The following CNTNAP4 variants were observed in gnomAD, a reference collection of about 807,000 sequenced individuals.
CNTNAP4 encodes the protein contactin associated protein family member 4, also known as contactin-associated protein-like 4.
A neutral mutation model predicts 148.4 loss-of-function variants in CNTNAP4; 98 were observed. The ratio of observed to expected loss-of-function variants is 0.66; its 90% confidence interval spans 0.56 to 0.78. CNTNAP4 has a LOEUF of 0.78. CNTNAP4 is among the 30% of genes least tolerant of loss of function. The pLI is 0.00. For missense variants in CNTNAP4, 1,935 were observed against 1,565.6 expected (o/e 1.24, Z -3.98); for synonymous variants, 730 against 565.1 (o/e 1.29, Z -4.14).
At chr16:76,426,686 TGTA>T (rs2079417515) in intron 3 of CNTNAP4, among the ~76,000 whole-genome samples, 5 of 151,326 alleles carry the variant, frequency 3.3e-5, no homozygotes, top group African/African-American at 4.9e-5. Flanking sequence ...GGCCCTACCA[TGTA>T]ATGGTTGCAA....
intron 23 of CNTNAP4, chr16:76,558,137 A>C (rs1250503027): frequency 5.9e-6 from 1 of 168,092 alleles, no homozygotes; most frequent in African/African-American, 2.4e-5. Flanking sequence ...TGTTGCTACT[A>C]CTCCATAATT....
intron 3 of CNTNAP4, among the ~76,000 whole-genome samples, chr16:76,396,908 T>A (rs565764312): frequency 6.6e-6 from 1 of 152,094 alleles, no homozygotes; most frequent in East Asian, 1.9e-4. Context: ...AATAATTAGG[T>A]AAATAAGTAA....
At position 76,467,346 on chromosome 16, in the gene CNTNAP4, TATCAGGTTGTCCTGAC is replaced by T; in HGVS notation, c.1484-4_1495del. Reference sequence around the variant, plus strand: ...ATGCGTACTGGATTTATTTCGTTTTTATCAGGTTGTCCTGACAAAAGCTTTGGATCCAAATGTAAAA... The same window carrying T: ...ATGCGTACTGGATTTATTTCGTTTTTAAAAGCTTTGGATCCAAATGTAAAA... On this transcript the variant is annotated splice_acceptor_variant and splice_polypyrimidine_tract_variant and coding_sequence_variant and intron_variant, in exon 10 of 24. Transcript: ENST00000611870. LOFTEE classifies it high-confidence loss of function. 1 of 1,613,710 alleles carries T rather than the reference TATCAGGTTGTCCTGAC, an allele frequency of 6.2e-7. No homozygotes were observed. Among genetic ancestry groups the T allele is most frequent in the Non-Finnish European group, 8.5e-7 (1 of 1,179,720 alleles).
At chr16:76,337,712 G>C (rs771994998) in intron 2 of CNTNAP4, among the ~76,000 whole-genome samples, 3 of 152,162 alleles carry the variant, frequency 2.0e-5, no homozygotes, top group Non-Finnish European at 4.4e-5. Context: ...AGGAGACCAG[G>C]GTGTATTTCA....
At chr16:76,466,395 A>G (rs998950597) in intron 9 of CNTNAP4, among the ~76,000 whole-genome samples, 2 of 152,198 alleles carry the variant, frequency 1.3e-5, no homozygotes, top group African/African-American at 4.8e-5. Flanking sequence ...AAAATAACTA[A>G]AATAGTTTAA....
chr16:76,483,856 A>C (rs1328741962), intron 12 of CNTNAP4, among the ~76,000 whole-genome samples: 1 of 152,150 alleles, frequency 6.6e-6, no homozygotes, highest in Non-Finnish European at 1.5e-5. Flanking sequence ...GTTACAAATA[A>C]ATTTTAGCAA....
intron 3 of CNTNAP4, among the ~76,000 whole-genome samples, chr16:76,397,824 GAAGGA>G (rs928859757): frequency 7.3e-6 from 1 of 136,584 alleles, no homozygotes; most frequent in African/African-American, 2.8e-5. Flanking sequence ...TGTGTAGAGC[GAAGGA>G]AAGAGATTTC....
At chr16:76,318,326 A>G (rs1008462548) in intron 2 of CNTNAP4, among the ~76,000 whole-genome samples, 5 of 152,234 alleles carry the variant, frequency 3.3e-5, no homozygotes, top group African/African-American at 1.2e-4. Context: ...AATACATCAC[A>G]AAATATATGT....
chr16:76,534,708 C>G (rs1211730722), intron 17 of CNTNAP4, among the ~76,000 whole-genome samples: 1 of 152,086 alleles, frequency 6.6e-6, no homozygotes, highest in Non-Finnish European at 1.5e-5. Context: ...ACCACAGAAC[C>G]AGTATTTCTT....
At chr16:76,527,305 G>T (rs1298845685) in intron 17 of CNTNAP4, among the ~76,000 whole-genome samples, 4 of 152,122 alleles carry the variant, frequency 2.6e-5, no homozygotes, top group Admixed American at 2.6e-4. Flanking sequence ...AAATATGTTA[G>T]GGTTAAGTCT....
chr16:76,523,128 T>C (rs2144124876), intron 17 of CNTNAP4, among the ~76,000 whole-genome samples: 1 of 152,180 alleles, frequency 6.6e-6, no homozygotes, highest in Middle Eastern at 3.4e-3. Flanking sequence ...TATTATCTTA[T>C]TGTTTTATTA....
At chr16:76,459,338 C>T (rs1036958532) in intron 8 of CNTNAP4, among the ~76,000 whole-genome samples, 2 of 152,256 alleles carry the variant, frequency 1.3e-5, no homozygotes, top group African/African-American at 4.8e-5. Flanking sequence ...TCAGAGTCCA[C>T]TCTTAGAAAA....
chr16:76,384,553 TC>T (rs1241372174), intron 3 of CNTNAP4, among the ~76,000 whole-genome samples: 1 of 152,136 alleles, frequency 6.6e-6, no homozygotes, highest in Non-Finnish European at 1.5e-5. Context: ...GACTTGCTTT[TC>T]ATTCTCCCGC....
chr16:76,523,225 G>A (rs977350486), intron 17 of CNTNAP4, among the ~76,000 whole-genome samples: 5 of 150,536 alleles, frequency 3.3e-5, no homozygotes, highest in Non-Finnish European at 7.4e-5. Flanking sequence ...GCCAAACATT[G>A]AACACTCCCC....
intron 3 of CNTNAP4, among the ~76,000 whole-genome samples, chr16:76,405,701 G>A (rs934074226): frequency 6.6e-6 from 1 of 152,082 alleles, no homozygotes; most frequent in African/African-American, 2.4e-5. Flanking sequence ...TGCTGTTCAC[G>A]GGTGGCAGAG....
intron 10 of CNTNAP4, among the ~76,000 whole-genome samples, chr16:76,472,869 G>A (rs2081423850): frequency 6.6e-6 from 1 of 152,068 alleles, no homozygotes; most frequent in African/African-American, 2.4e-5. Flanking sequence ...CTTTATACCT[G>A]GGTGATGAAA....
At chr16:76,523,825 A>G (rs1400330390) in intron 17 of CNTNAP4, among the ~76,000 whole-genome samples, 1 of 152,098 alleles carries the variant, frequency 6.6e-6, no homozygotes, top group Non-Finnish European at 1.5e-5. Context: ...CCAGCGTTCA[A>G]GAAGCTGAGG....
At chr16:76,449,039 C>A (rs2080356031) in intron 6 of CNTNAP4, 88 bp downstream of exon 6, 3 of 1,222,094 alleles carry the variant, frequency 2.5e-6, no homozygotes, top group Non-Finnish European at 3.5e-6. Flanking sequence ...AAAGAGCCCA[C>A]CTTTTCAGTA....
chr16:76,448,711 T>A, intron 5 of CNTNAP4, 56 bp from the exon 6 acceptor site: 3 of 1,353,456 alleles, frequency 2.2e-6, no homozygotes, highest in Non-Finnish European at 3.0e-6. Context: ...AGGGAACCTT[T>A]TTTTTTTTTC....
Sources: gnomAD v4.1 joint callset for allele counts (sites outside exome capture counted in the v4.1 genomes callset) on GRCh38, gnomAD v4.1.1 for gene constraint, MANE v1.5 for transcripts, NCBI Gene and HGNC (gene_info 2026-07-23, HGNC 2026-07-21) for gene names.